PREP: variants seen among roughly 807,000 people sequenced by gnomAD.
The protein encoded by PREP is prolyl endopeptidase.
In PREP, 29 loss-of-function variants were observed where a neutral mutation model predicts 87.6. That is an observed-to-expected ratio of 0.33 (90% CI 0.25 to 0.45). The LOEUF (loss-of-function observed/expected upper bound fraction) is 0.45, where lower values mean the gene tolerates loss of function less well. PREP is among the 20% of genes least tolerant of loss of function. PREP has a pLI of 1.00. For missense variants in PREP, 695 were observed against 886.5 expected (o/e 0.78, Z 2.74); for synonymous variants, 337 against 328.6 (o/e 1.03, Z -0.28).
intron 7 of PREP, among the ~76,000 whole-genome samples, chr6:105,345,524 T>G (rs1771773000): frequency 6.6e-6 from 1 of 152,228 alleles, no homozygotes; most frequent in Non-Finnish European, 1.5e-5. Context: ...ATTAACTACA[T>G]GTCATAGAAA....
chr6:105,321,722 T>C (rs1458775973), intron 10 of PREP, among the ~76,000 whole-genome samples: 4 of 152,186 alleles, frequency 2.6e-5, no homozygotes, highest in African/African-American at 7.2e-5. Context: ...GTCATTATTA[T>C]AGGGGTCCTT....
intron 5 of PREP, among the ~76,000 whole-genome samples, chr6:105,370,131 A>G (rs1292432707): frequency 6.6e-6 from 1 of 151,946 alleles, no homozygotes; most frequent in Non-Finnish European, 1.5e-5. Context: ...ATGCACCTGT[A>G]GTCCCAGCTA....
At chr6:105,308,896 G>C (rs949648389) in intron 10 of PREP, among the ~76,000 whole-genome samples, 1 of 152,152 alleles carries the variant, frequency 6.6e-6, no homozygotes, top group African/African-American at 2.4e-5. Flanking sequence ...TAAGTGAGTG[G>C]GGAAGGGCTG....
At chr6:105,396,550 G>T (rs1401451669) in intron 2 of PREP, among the ~76,000 whole-genome samples, 1 of 152,164 alleles carries the variant, frequency 6.6e-6, no homozygotes, top group Non-Finnish European at 1.5e-5. Flanking sequence ...ATCAGGAAGG[G>T]ATGCTTTCCT....
intron 6 of PREP, 50 bp downstream of exon 6, chr6:105,368,853 C>T: frequency 6.2e-7 from 1 of 1,602,548 alleles, no homozygotes; most frequent in Non-Finnish European, 8.5e-7. Flanking sequence ...TTTATACACA[C>T]ATCCATGAAA....
intron 14 of PREP, chr6:105,280,965 A>C (rs1770069759): frequency 6.6e-6 from 1 of 152,340 alleles, no homozygotes; most frequent in African/African-American, 2.4e-5. Flanking sequence ...AAGTATAATA[A>C]TACCTTTTGA....
chr6:105,311,288 G>T (rs999751824), intron 10 of PREP, among the ~76,000 whole-genome samples: 7 of 152,200 alleles, frequency 4.6e-5, no homozygotes, highest in Non-Finnish European at 1.0e-4. Flanking sequence ...CACTTGGAAT[G>T]AATCTGACAT....
At chr6:105,402,606 G>C (rs1443993878) in intron 1 of PREP, among the ~76,000 whole-genome samples, 1 of 152,204 alleles carries the variant, frequency 6.6e-6, no homozygotes, top group East Asian at 1.9e-4. Context: ...ATTCTAGGAA[G>C]CGGCCGGGCG....
At chr6:105,298,934 C>A (rs1374424641) in intron 10 of PREP, 1 of 152,120 alleles carries the variant, frequency 6.6e-6, no homozygotes, top group Non-Finnish European at 1.5e-5. Context: ...AATTCTCCTT[C>A]AAAAAAACCA....
intron 10 of PREP, among the ~76,000 whole-genome samples, chr6:105,307,016 A>G (rs1770670729): frequency 6.6e-6 from 1 of 152,176 alleles, no homozygotes; most frequent in African/African-American, 2.4e-5. Flanking sequence ...CATGCTTACA[A>G]ACATTTGGAA....
intron 1 of PREP, among the ~76,000 whole-genome samples, chr6:105,400,968 C>CA (rs35828822): frequency 0.14 from 20,465 of 150,180 alleles, 1,770 homozygotes; most frequent in Middle Eastern, 0.25. Context: ...AACCTTAATG[C>CA]AAAAAAAAAG....
At chr6:105,362,089 T>C (rs1772262741) in intron 6 of PREP, among the ~76,000 whole-genome samples, 1 of 152,186 alleles carries the variant, frequency 6.6e-6, no homozygotes, top group Admixed American at 6.5e-5. Context: ...AAATAAATAA[T>C]GTAGGACTTG....
At chr6:105,366,375 A>C (rs1221817729) in intron 6 of PREP, among the ~76,000 whole-genome samples, 1 of 152,210 alleles carries the variant, frequency 6.6e-6, no homozygotes, top group Admixed American at 6.5e-5. Context: ...TGTGACCCTA[A>C]CAGACCCAGC....
At chr6:105,363,083 G>C (rs948182804) in intron 6 of PREP, among the ~76,000 whole-genome samples, 2 of 151,956 alleles carry the variant, frequency 1.3e-5, no homozygotes, top group African/African-American at 4.8e-5. Flanking sequence ...AATTACTAGG[G>C]TTCACAGGTG....
chr6:105,366,530 A>G (rs184613783), intron 6 of PREP, among the ~76,000 whole-genome samples: 5 of 152,336 alleles, frequency 3.3e-5, no homozygotes, highest in African/African-American at 9.6e-5. Context: ...TGGTAGAAGG[A>G]TCATCTGAAC....
intron 10 of PREP, among the ~76,000 whole-genome samples, chr6:105,313,924 T>C (rs564455997): frequency 6.6e-6 from 1 of 152,328 alleles, no homozygotes; most frequent in Non-Finnish European, 1.5e-5. Flanking sequence ...AGCTGCCACA[T>C]GGTGACCAAC....
Position 105,277,815 on chromosome 6 carries a change from T to TAAGTA in PREP, c.*324_*328dup. The TAAGTA allele has an allele frequency of 3.1e-6, 1 of 322,172 alleles. No individual in the cohort carries two copies. The highest frequency in any genetic ancestry group is 6.6e-5 in the East Asian group (1 of 15,094). The allele number at this position is 322,172 out of a possible 1,614,324, so 20.0% of individuals were successfully genotyped here. ...AAGATATAGAGGTTATGGATATAGA[T>TAAGTA]AAGTATGCCCGACTATGATCCTTAA... On this transcript the variant is annotated 3_prime_UTR_variant, in exon 15 of 15. Coordinates refer to ENST00000652536, the MANE Select transcript of PREP (RefSeq NM_002726.5).
At chr6:105,396,884 A>G (rs1409910086) in intron 2 of PREP, among the ~76,000 whole-genome samples, 3 of 152,126 alleles carry the variant, frequency 2.0e-5, no homozygotes, top group African/African-American at 4.8e-5. Flanking sequence ...AATTAACTAC[A>G]TAAAGTACAC....
In PREP at chr6:105,278,554, A is replaced by ATAG; in HGVS notation, c.1839-117_1839-116insCTA. 2 of 1,069,588 alleles carry ATAG rather than the reference A, an allele frequency of 1.9e-6. No homozygotes were observed. The highest frequency in any genetic ancestry group is 3.1e-5 in the African/African-American group (2 of 63,554). 66.3% of individuals were successfully genotyped at this position (1,069,588 alleles called of 1,614,324 possible). ...GCAGTTAACTAGTACGTGAGTGACCACCATGGACTGTGCCTATGCGTTACC... is the reference window on the plus strand; with the variant it reads ...GCAGTTAACTAGTACGTGAGTGACCATAGCCATGGACTGTGCCTATGCGTTACC... On this transcript the variant is annotated intron_variant, in intron 14 of 14. Transcript: ENST00000652536. This position sits in a 1 kb window ranked among gnomAD's most constrained non-coding sequence, Gnocchi z 4.2.
Sources: gnomAD v4.1 joint callset for allele counts (sites outside exome capture counted in the v4.1 genomes callset) on GRCh38, gnomAD v4.1.1 for gene constraint, Gnocchi (gnomAD v3.1) non-coding constraint, MANE v1.5 for transcripts, NCBI Gene and HGNC (gene_info 2026-07-23, HGNC 2026-07-21) for gene names.